Variants in RSPH14 observed in about 807,000 individuals in gnomAD.
The protein encoded by RSPH14 is rhabdoid tumor deletion region gene 1.
RSPH14 carries 20 observed loss-of-function variants against 26.7 expected under a neutral mutation model. The ratio of observed to expected loss-of-function variants is 0.75; its 90% confidence interval spans 0.53 to 1.09. The LOEUF is 1.09. RSPH14 is among the 50% of genes least tolerant of loss of function. The pLI is 0.00. For synonymous variants in RSPH14, 177 were observed against 189.3 expected (o/e 0.93, Z 0.53); for missense variants, 449 against 457.2 (o/e 0.98, Z 0.16).
intron 4 of RSPH14, 55 bp downstream of exon 4, chr22:23,133,971 A>G (rs1409326056): frequency 8.0e-7 from 1 of 1,251,436 alleles, no homozygotes; most frequent in South Asian, 1.2e-5. Flanking sequence ...CCTGGAGAGG[A>G]GACCGACGGA....
At chr22:23,110,586 G>C (rs946543247) in intron 4 of RSPH14, among the ~76,000 whole-genome samples, 2 of 152,242 alleles carry the variant, frequency 1.3e-5, no homozygotes, top group Non-Finnish European at 2.9e-5. Context: ...TGAGCAGATG[G>C]GCAGTAGACA....
chr22:23,096,112 C>T, intron 4 of RSPH14: 1 of 1,611,430 alleles, frequency 6.2e-7, no homozygotes, highest in Non-Finnish European at 8.5e-7. Context: ...GGGCACAGGC[C>T]TGCTTCAGCC....
At chr22:23,126,360 G>A (rs1333544602) in intron 4 of RSPH14, among the ~76,000 whole-genome samples, 1 of 152,176 alleles carries the variant, frequency 6.6e-6, no homozygotes, top group African/African-American at 2.4e-5. Context: ...CTCCCCTGCA[G>A]TTCACCTGCA....
the RSPH14 span, among the ~76,000 whole-genome samples, chr22:23,178,718 A>G: frequency 6.6e-6 from 1 of 152,206 alleles, no homozygotes; most frequent in East Asian, 1.9e-4. Context: ...ACTAATATTA[A>G]CAGGCAATCA....
chr22:23,125,233 G>A (rs1000582454), intron 4 of RSPH14, among the ~76,000 whole-genome samples: 14 of 152,138 alleles, frequency 9.2e-5, no homozygotes, highest in Non-Finnish European at 2.1e-4. Context: ...CTGCAAAGAG[G>A]GGAAACCTGC....
chr22:23,063,746 G>T (rs562675519), intron 5 of RSPH14, among the ~76,000 whole-genome samples, 156 bp downstream of exon 5: 1 of 152,156 alleles, frequency 6.6e-6, no homozygotes, highest in Admixed American at 6.5e-5. Flanking sequence ...TCACCCTAGG[G>T]GAGAAGGTCA....
At chr22:23,140,104 G>T in intron 2 of RSPH14, 118 bp downstream of exon 2, 1 of 1,306,094 alleles carries the variant, frequency 7.7e-7, no homozygotes, top group Non-Finnish European at 1.1e-6. Context: ...CGCACCTATA[G>T]TGGAACTGGC....
intron 4 of RSPH14, among the ~76,000 whole-genome samples, chr22:23,112,667 G>A (rs762970634): frequency 7.2e-5 from 11 of 152,204 alleles, no homozygotes; most frequent in Non-Finnish European, 1.3e-4. Flanking sequence ...AAACACCAGC[G>A]GGGTGGGAAT....
intron 4 of RSPH14, among the ~76,000 whole-genome samples, chr22:23,110,647 A>G (rs2069617965): frequency 6.6e-6 from 1 of 152,238 alleles, no homozygotes; most frequent in Non-Finnish European, 1.5e-5. Flanking sequence ...CCCCAGCTCA[A>G]GGGTCAGCAG....
the RSPH14 span, among the ~76,000 whole-genome samples, chr22:23,158,593 G>A: frequency 6.6e-6 from 1 of 152,238 alleles, no homozygotes; most frequent in South Asian, 2.1e-4. Context: ...GGAGGCGGGG[G>A]TGATGGTTCT....
chr22:23,175,693 G>A, the RSPH14 span, among the ~76,000 whole-genome samples: 4 of 152,194 alleles, frequency 2.6e-5, no homozygotes, highest in African/African-American at 7.2e-5. Flanking sequence ...GACAGCTGTG[G>A]AGCCCTTGGT....
the RSPH14 span, among the ~76,000 whole-genome samples, chr22:23,165,443 G>A: frequency 6.6e-6 from 1 of 152,188 alleles, no homozygotes; most frequent in Admixed American, 6.5e-5. Context: ...TGGAGGATAT[G>A]TTCTGATCTT....
chr22:23,096,627 G>A (rs2146318641), intron 4 of RSPH14, among the ~76,000 whole-genome samples: 1 of 152,312 alleles, frequency 6.6e-6, no homozygotes, highest in East Asian at 1.9e-4. Context: ...CATGCCTGAA[G>A]TACTCAGGGT....
At chr22:23,067,577 GTCC>G (rs989107452) in intron 4 of RSPH14, among the ~76,000 whole-genome samples, 111 of 152,320 alleles carry the variant, frequency 7.3e-4, no homozygotes, top group African/African-American at 2.6e-3. Context: ...GTGCTTCTCT[GTCC>G]TCAGCTTTCT....
chr22:23,134,066 G>T lies in RSPH14; in HGVS notation c.381C>A (p.Asn127Lys), dbSNP rs1430083250. Reference protein sequence around the residue: ...LNDPSPVCRGNLYKAYMQLVQ... With the variant: ...LNDPSPVCRGKLYKAYMQLVQ... ...CCAGCTGCATGTATGCCTTGTACAGGTTCCCCCGGCAGACTGGGCTGGGGT... is the reference window on the plus strand; with the variant it reads ...CCAGCTGCATGTATGCCTTGTACAGTTTCCCCCGGCAGACTGGGCTGGGGT... The change falls in exon 4 of 7, where the codon AAC (asparagine) becomes AAA (lysine). Residue 127 changes from asparagine to lysine, a missense_variant. By Grantham distance (94) the Asn-to-Lys change is moderately conservative. Coordinates refer to ENST00000216036, the MANE Select transcript of RSPH14 (RefSeq NM_014433.3). 1.2e-6 allele frequency: 2 copies of T among 1,613,850 alleles called. No individual in the cohort carries two copies. The highest frequency in any genetic ancestry group is 1.1e-5 in the South Asian group (1 of 91,080).
chr22:23,096,315 C>T (rs2069122359), intron 4 of RSPH14: 1 of 1,613,806 alleles, frequency 6.2e-7, no homozygotes, highest in Non-Finnish European at 8.5e-7. Context: ...GGGCAGAGGT[C>T]AGAGCGCAAA....
At chr22:23,174,923 C>T in the RSPH14 span, among the ~76,000 whole-genome samples, 24 of 151,348 alleles carry the variant, frequency 1.6e-4, no homozygotes, top group African/African-American at 4.6e-4. Flanking sequence ...GCTGAGATCA[C>T]GCCATTGCAC....
intron 4 of RSPH14, chr22:23,095,476 G>T: frequency 1.8e-6 from 1 of 570,538 alleles, no homozygotes; most frequent in Non-Finnish European, 3.1e-6. Context: ...AGTGTCACTA[G>T]TGGGGAGGGG....
In RSPH14 at chr22:23,134,913, C is replaced by A. The variant is rs1052566884; in HGVS notation, c.303-769G>T. 1.4e-4 allele frequency among the ~76,000 whole-genome samples: 21 copies of A among 151,844 alleles called. 1 individual carries two copies. The highest frequency in any genetic ancestry group is 5.2e-4 in the Admixed American group (8 of 15,250). Reference sequence around the variant, plus strand: ...TGTAAAAGATTCTAGATAGCTCACACCTAATCCCAGTGCTTTGGGAGACTA... The same window carrying A: ...TGTAAAAGATTCTAGATAGCTCACAACTAATCCCAGTGCTTTGGGAGACTA... On this transcript the variant is annotated intron_variant, in intron 3 of 6. Coordinates refer to ENST00000216036, the MANE Select transcript of RSPH14 (RefSeq NM_014433.3).
Sources: gnomAD v4.1 joint callset for allele counts (sites outside exome capture counted in the v4.1 genomes callset) on GRCh38, gnomAD v4.1.1 for gene constraint, MANE v1.5 for transcripts, NCBI Gene and HGNC (gene_info 2026-07-23, HGNC 2026-07-21) for gene names.